SPHKAP: variants seen among roughly 807,000 people sequenced by gnomAD.
SPHKAP encodes A-kinase anchor protein SPHKAP.
SPHKAP carries 67 observed loss-of-function variants against 137.5 expected under a neutral mutation model. The ratio of observed to expected loss-of-function variants is 0.49; its 90% CI spans 0.40 to 0.60. The LOEUF (loss-of-function observed/expected upper bound fraction) is 0.60. SPHKAP is among the 20% of genes least tolerant of loss of function. The probability of loss-of-function intolerance (pLI) is 0.00; values close to 1 mark genes in which losing one functional copy is unlikely to be tolerated. For missense variants in SPHKAP, 2,097 were observed against 2,069.3 expected, an observed-to-expected ratio of 1.01 and a Z score of -0.26; for synonymous variants, 813 against 785.3, an observed-to-expected ratio of 1.04 and a Z score of -0.59.
intron 1 of SPHKAP, among the ~76,000 whole-genome samples, chr2:228,168,190 A>C (rs574796507): frequency 2.5e-4 from 37 of 148,666 alleles, no homozygotes; most frequent in African/African-American, 9.1e-4. Flanking sequence ...AATAGACCAT[A>C]ATTTTATGAG....
intron 2 of SPHKAP, among the ~76,000 whole-genome samples, chr2:228,114,147 T>C (rs994268309): frequency 6.6e-6 from 1 of 152,166 alleles, no homozygotes; most frequent in Non-Finnish European, 1.5e-5. Context: ...GTTATGGACT[T>C]ATTTTAGATG....
intron 1 of SPHKAP, among the ~76,000 whole-genome samples, chr2:228,140,675 ATGGTGGGAAG>A (rs961019153): frequency 6.6e-6 from 1 of 152,156 alleles, no homozygotes; most frequent in African/African-American, 2.4e-5. Context: ...GAAGTGGGGC[ATGGTGGGAAG>A]TGATTGGATC....
chr2:228,109,405 A>G, intron 2 of SPHKAP: 3 of 981,982 alleles, frequency 3.1e-6, no homozygotes, highest in Non-Finnish European at 3.6e-6. Context: ...CTAGTGTACA[A>G]TTTTTCTAGA....
At chr2:228,043,143 GA>G (rs1350397776) in intron 3 of SPHKAP, among the ~76,000 whole-genome samples, 1 of 152,132 alleles carries the variant, frequency 6.6e-6, no homozygotes, top group African/African-American at 2.4e-5. Context: ...TAGACCTGCA[GA>G]CAACAGATCC....
At chr2:227,984,209 A>G (rs1489715519) in intron 11 of SPHKAP, among the ~76,000 whole-genome samples, 1 of 150,912 alleles carries the variant, frequency 6.6e-6, no homozygotes, top group African/African-American at 2.4e-5. Flanking sequence ...CTGAGGCAGG[A>G]GAATCGCTTG....
chr2:228,117,200 A>G (rs1368816221), intron 2 of SPHKAP, among the ~76,000 whole-genome samples: 1 of 152,170 alleles, frequency 6.6e-6, no homozygotes, highest in Non-Finnish European at 1.5e-5. Flanking sequence ...TTGCTGTTAG[A>G]CATCAAAATC....
At chr2:228,028,448 T>C (rs1387767058) in intron 3 of SPHKAP, among the ~76,000 whole-genome samples, 1 of 152,208 alleles carries the variant, frequency 6.6e-6, no homozygotes, top group East Asian at 1.9e-4. Context: ...TATTAAACAA[T>C]AAATCTGAAC....
At chr2:228,180,880 C>A (rs1466121824) in intron 1 of SPHKAP, among the ~76,000 whole-genome samples, 2 of 152,186 alleles carry the variant, frequency 1.3e-5, no homozygotes, top group African/African-American at 2.4e-5. Flanking sequence ...CCGAAAAACA[C>A]GTTACTCGCA....
chr2:228,058,576 C>T (rs370555762), intron 3 of SPHKAP, among the ~76,000 whole-genome samples: 32 of 152,270 alleles, frequency 2.1e-4, no homozygotes, highest in East Asian at 1.9e-3. Flanking sequence ...GTTACCTGTG[C>T]CCCGCTCCCC....
At position 228,019,381 on chromosome 2, in the gene SPHKAP, T is replaced by C. The variant is rs558966218; in HGVS notation, c.1473A>G (p.Gln491=). 6.2e-7 allele frequency: 1 copy of C among 1,614,094 alleles called. No homozygotes were observed. Among genetic ancestry groups the C allele is most frequent in the South Asian group, 1.1e-5 (1 of 91,080 alleles). The change falls in exon 7 of 12, where the codon CAA becomes CAG. Residue 491 remains glutamine, a synonymous_variant. Transcript: ENST00000392056. ...ACGCCACTTCTAGAGCACTCTGGGGTTGTCTGCTGGAGTTCTCTCCAGAGA... is the reference window on the plus strand; with the variant it reads ...ACGCCACTTCTAGAGCACTCTGGGGCTGTCTGCTGGAGTTCTCTCCAGAGA... ...SILSGENSSR[Q]PQSALEVALA... is the part of the protein sequence containing the mutation.
chr2:228,151,582 T>C (rs1403856862), intron 1 of SPHKAP, among the ~76,000 whole-genome samples: 1 of 152,104 alleles, frequency 6.6e-6, no homozygotes, highest in Non-Finnish European at 1.5e-5. Flanking sequence ...CTCCACATCC[T>C]CTCCAGCACC....
intron 7 of SPHKAP, among the ~76,000 whole-genome samples, chr2:228,007,687 A>G (rs1422748630): frequency 6.6e-6 from 1 of 152,240 alleles, no homozygotes; most frequent in East Asian, 1.9e-4. Context: ...TAATTAAAAC[A>G]GGATGGCAAT....
chr2:228,037,248 T>C (rs900646792), intron 3 of SPHKAP, among the ~76,000 whole-genome samples: 1 of 152,182 alleles, frequency 6.6e-6, no homozygotes, highest in African/African-American at 2.4e-5. Context: ...TTTTCAATGC[T>C]GTACTATCAA....
chr2:228,092,275 G>A (rs1246221594), intron 3 of SPHKAP, among the ~76,000 whole-genome samples: 4 of 141,918 alleles, frequency 2.8e-5, no homozygotes, highest in East Asian at 2.1e-4. Context: ...ACACACACAC[G>A]TGTATGTGCG....
intron 1 of SPHKAP, among the ~76,000 whole-genome samples, chr2:228,163,048 G>A (rs1559208977): frequency 6.6e-6 from 1 of 152,144 alleles, no homozygotes; most frequent in Admixed American, 6.6e-5. Context: ...AAACTGGGAG[G>A]AACAGCTTTG....
At chr2:228,093,938 A>T (rs1168713986) in intron 3 of SPHKAP, among the ~76,000 whole-genome samples, 3 of 148,694 alleles carry the variant, frequency 2.0e-5, no homozygotes, top group Non-Finnish European at 4.5e-5. Context: ...CCTAAGGAGG[A>T]TGGTATGCCT....
At chr2:228,087,310 G>C (rs1175877676) in intron 3 of SPHKAP, among the ~76,000 whole-genome samples, 1 of 150,492 alleles carries the variant, frequency 6.6e-6, no homozygotes, top group East Asian at 1.9e-4. Context: ...AGAGAGAACG[G>C]AATGGAGTCA....
intron 1 of SPHKAP, among the ~76,000 whole-genome samples, chr2:228,154,928 T>C (rs1700064772): frequency 6.6e-6 from 1 of 151,850 alleles, no homozygotes; most frequent in Non-Finnish European, 1.5e-5. Flanking sequence ...AAGAAAACCA[T>C]TTTTAAAAAA....
chr2:228,013,467 G>T (rs1268933108), intron 7 of SPHKAP, among the ~76,000 whole-genome samples: 1 of 152,092 alleles, frequency 6.6e-6, no homozygotes, highest in Admixed American at 6.5e-5. Context: ...GGCTGGTCTT[G>T]AACTCCTGAC....
Sources: allele counts gnomAD v4.1 joint callset (sites outside exome capture counted in the v4.1 genomes callset), GRCh38; gene constraint gnomAD v4.1.1; transcripts MANE v1.5; gene names NCBI Gene and HGNC (gene_info 2026-07-23, HGNC 2026-07-21).